KCTD1: variants seen among roughly 807,000 people sequenced by gnomAD.
The protein encoded by KCTD1 is potassium channel tetramerization domain containing 1.
KCTD1 carries 24 observed loss-of-function variants against 66.0 expected under a neutral mutation model. That is an observed-to-expected ratio of 0.36 (90% CI 0.26 to 0.51). KCTD1 has a LOEUF of 0.51. Among genes scored for constraint, KCTD1 ranks in the 20% least tolerant of loss-of-function variants. KCTD1 has a pLI of 0.95. For synonymous variants in KCTD1, 511 were observed against 517.2 expected, an observed-to-expected ratio of 0.99 and a Z score of 0.16; for missense variants, 943 against 1,205.2, an observed-to-expected ratio of 0.78 and a Z score of 3.22.
chr18:26,538,615 G>C (rs1046362326), intron 1 of KCTD1, among the ~76,000 whole-genome samples: 17 of 152,204 alleles, frequency 1.1e-4, no homozygotes, highest in Non-Finnish European at 2.1e-4. Flanking sequence ...TTATGATAAA[G>C]ATCTGCATTT....
intron 1 of KCTD1, among the ~76,000 whole-genome samples, chr18:26,652,833 T>G (rs1011356178): frequency 6.6e-6 from 1 of 152,200 alleles, no homozygotes; most frequent in Non-Finnish European, 1.5e-5. Flanking sequence ...AATCTGGCTA[T>G]TAGAAATGAC....
At position 26,476,986 on chromosome 18, in the gene KCTD1, C is replaced by T. The variant is rs1981381703; in HGVS notation, c.1989-327G>A. The T allele has an allele frequency of 5.0e-6, 1 of 201,362 alleles. No individual in the cohort carries two copies. Among genetic ancestry groups the T allele is most frequent in the African/African-American group, 2.3e-5 (1 of 43,246 alleles). 12.5% of individuals were successfully genotyped at this position (201,362 alleles called of 1,614,324 possible). A position where few individuals can be genotyped will look rare whatever the true frequency, so the allele number is the denominator to read the frequency against. ...CCCCGTGTTACTTAAAACAAGCATC[C>T]CTGATACTTAAAAAATGTTATTGCT... On this transcript the variant is annotated intron_variant, in intron 2 of 4. Coordinates refer to ENST00000580059, the MANE Select transcript of KCTD1 (RefSeq NM_001142730.3). The surrounding 1 kb of genome is among the most constrained non-coding windows in gnomAD (Gnocchi z 4.9).
chr18:26,610,359 G>GC (rs1987107386), intron 1 of KCTD1, among the ~76,000 whole-genome samples: 1 of 152,098 alleles, frequency 6.6e-6, no homozygotes, highest in Non-Finnish European at 1.5e-5. Flanking sequence ...GATTGCTTGA[G>GC]CCCAGGAGTT....
intron 1 of KCTD1, among the ~76,000 whole-genome samples, chr18:26,616,141 CTTTT>C (rs11354165): frequency 1.4e-5 from 2 of 138,112 alleles, no homozygotes; most frequent in African/African-American, 2.7e-5. Context: ...TTAAGTGTTT[CTTTT>C]TTTTTTTTTT....
At chr18:26,597,932 G>C (rs1045401349) in intron 1 of KCTD1, among the ~76,000 whole-genome samples, 2 of 152,180 alleles carry the variant, frequency 1.3e-5, no homozygotes, top group African/African-American at 4.8e-5. Context: ...GGGATTACAG[G>C]CGTGAGCCAC....
At chr18:26,540,442 G>A (rs748885848) in intron 1 of KCTD1, among the ~76,000 whole-genome samples, 2 of 152,198 alleles carry the variant, frequency 1.3e-5, no homozygotes, top group African/African-American at 4.8e-5. Flanking sequence ...TTGAATGACA[G>A]GGGTTTGAAC....
chr18:26,614,405 G>C (rs1987204336), intron 1 of KCTD1, among the ~76,000 whole-genome samples: 1 of 152,248 alleles, frequency 6.6e-6, no homozygotes, highest in Non-Finnish European at 1.5e-5. Flanking sequence ...CAAAAGAATG[G>C]GTTGAATAAT....
Position 26,547,094 on chromosome 18 carries a change from G to C in KCTD1, c.1443C>G (p.Ala481=), listed in dbSNP as rs748051992. The part of the protein sequence containing the change: ...LGSPAPQGCY[A]EALNGAARHH... Reference sequence around the variant, plus strand: ...GCCGTGCCGCCCCGTTCAGAGCCTCGGCGTAGCAGCCCTGCGGGGCGGGCG... The same window carrying C: ...GCCGTGCCGCCCCGTTCAGAGCCTCCGCGTAGCAGCCCTGCGGGGCGGGCG... The change falls in exon 1 of 5, where the codon GCC becomes GCG. Residue 481 remains alanine, a synonymous_variant. Transcript: ENST00000580059. The C allele has an allele frequency of 2.2e-5, 34 of 1,545,964 alleles. No individual in the cohort carries two copies. The African/African-American group carries it at 2.3e-4, about 11-fold the overall frequency.
At chr18:26,637,620 GT>G (rs1327034727) in intron 1 of KCTD1, among the ~76,000 whole-genome samples, 1 of 152,254 alleles carries the variant, frequency 6.6e-6, no homozygotes, top group Non-Finnish European at 1.5e-5. Flanking sequence ...TGTCGCTTCA[GT>G]GGGATGAGGC....
chr18:26,652,682 G>A (rs1988058793), intron 1 of KCTD1, among the ~76,000 whole-genome samples: 1 of 152,148 alleles, frequency 6.6e-6, no homozygotes, highest in Non-Finnish European at 1.5e-5. Flanking sequence ...AGAGCCGGCC[G>A]ATGAGTGCCT....
At chr18:26,607,437 ACCTATC>A (rs1987042247) in intron 1 of KCTD1, among the ~76,000 whole-genome samples, 1 of 152,214 alleles carries the variant, frequency 6.6e-6, no homozygotes, top group South Asian at 2.1e-4. Context: ...GGCAAGGACA[ACCTATC>A]CTATGATGTG....
chr18:26,521,581 A>T (rs965631575), intron 1 of KCTD1, among the ~76,000 whole-genome samples: 2 of 152,212 alleles, frequency 1.3e-5, no homozygotes, highest in Admixed American at 1.3e-4. Flanking sequence ...TTCCTTAAAG[A>T]TCTATCAAGA....
chr18:26,637,850 A>G (rs1206232403), intron 1 of KCTD1, among the ~76,000 whole-genome samples: 1 of 152,208 alleles, frequency 6.6e-6, no homozygotes, highest in African/African-American at 2.4e-5. Context: ...AAGAGTGGAG[A>G]CAATAATGCT....
At chr18:26,591,960 C>CCTG (rs1176370538) in intron 1 of KCTD1, among the ~76,000 whole-genome samples, 8 of 152,178 alleles carry the variant, frequency 5.3e-5, no homozygotes, top group African/African-American at 1.9e-4. Context: ...CTATTGAACA[C>CCTG]ATGATACAAT....
intron 1 of KCTD1, among the ~76,000 whole-genome samples, chr18:26,532,261 C>CTTTCTTTTTTTTTTTTTTTTTTT (rs1394278500): frequency 6.8e-5 from 2 of 29,560 alleles, no homozygotes; most frequent in African/African-American, 1.3e-4. Context: ...TTCTTTCCTT[C>CTTTCTTTTTTTTTTTTTTTTTTT]TTTTTTTTTT....
intron 1 of KCTD1, among the ~76,000 whole-genome samples, chr18:26,563,422 A>G (rs952968179): frequency 6.6e-6 from 1 of 152,192 alleles, no homozygotes; most frequent in African/African-American, 2.4e-5. Flanking sequence ...CCAGGAAGTA[A>G]TTGCTCTTCC....
At chr18:26,556,542 A>T (rs746688051) in intron 1 of KCTD1, among the ~76,000 whole-genome samples, 5 of 152,222 alleles carry the variant, frequency 3.3e-5, no homozygotes, top group Non-Finnish European at 7.3e-5. Flanking sequence ...TTCTTTTCTG[A>T]TTATAAAAGC....
chr18:26,554,541 C>T (rs1985660011), intron 1 of KCTD1, among the ~76,000 whole-genome samples: 1 of 152,214 alleles, frequency 6.6e-6, no homozygotes, highest in Non-Finnish European at 1.5e-5. Context: ...CCCACAAATT[C>T]AACCAGACTA....
intron 1 of KCTD1, among the ~76,000 whole-genome samples, chr18:26,586,523 G>A (rs867676336): frequency 6.6e-6 from 1 of 152,114 alleles, no homozygotes. Context: ...AGGAAGAGTC[G>A]CATGTCTAAA....
Sources: allele counts gnomAD v4.1 joint callset (sites outside exome capture counted in the v4.1 genomes callset), GRCh38; gene constraint gnomAD v4.1.1; non-coding constraint Gnocchi (gnomAD v3.1); transcripts MANE v1.5; gene names NCBI Gene and HGNC (gene_info 2026-07-23, HGNC 2026-07-21).